VWA8: variants seen among roughly 807,000 people sequenced by gnomAD.
The protein encoded by VWA8 is von Willebrand factor A domain-containing protein 8.
Under a neutral mutation model 241.5 loss-of-function variants are expected in VWA8, and 221 were observed. The ratio of observed to expected loss-of-function variants is 0.91; its 90% CI spans 0.82 to 1.02. VWA8 has a LOEUF of 1.02. VWA8 is among the 50% of genes least tolerant of loss of function. The pLI is 0.00. For synonymous variants in VWA8, 852 were observed against 827.1 expected (o/e 1.03, Z -0.52); for missense variants, 2,322 against 2,328.7 (o/e 1.00, Z 0.06).
chr13:41,932,566 A>G (rs1877172796), intron 2 of VWA8, among the ~76,000 whole-genome samples: 1 of 152,052 alleles, frequency 6.6e-6, no homozygotes, highest in Non-Finnish European at 1.5e-5. Context: ...AAATGTTCAC[A>G]CACTGAGTCC....
chr13:41,789,641 G>C (rs1331302862), intron 17 of VWA8, among the ~76,000 whole-genome samples: 4 of 152,046 alleles, frequency 2.6e-5, no homozygotes, highest in Non-Finnish European at 2.9e-5. Context: ...TTAGATTAAG[G>C]AATAAGATAG....
chr13:41,659,985 T>G (rs1472981209), intron 37 of VWA8, among the ~76,000 whole-genome samples: 1 of 152,254 alleles, frequency 6.6e-6, no homozygotes, highest in Non-Finnish European at 1.5e-5. Flanking sequence ...ATGTCTGTTT[T>G]CATGTTCTTT....
At chr13:41,766,496 T>C (rs1176492045) in intron 20 of VWA8, among the ~76,000 whole-genome samples, 2 of 152,170 alleles carry the variant, frequency 1.3e-5, no homozygotes, top group African/African-American at 4.8e-5. Context: ...GCAAGCATGC[T>C]CATCAGCCCT....
Position 41,935,804 on chromosome 13 carries a change from A to C in VWA8, c.241+14132T>G, listed in dbSNP as rs116263997. On this transcript the variant is annotated intron_variant, in intron 2 of 44. Transcript: ENST00000379310. ...CAATAGTGGTATCATATCTTATATG[A>C]CACTCTGAAATCTGTACTATTTTGC... Among the ~76,000 whole-genome samples the C allele has an allele frequency of 1.7e-3, 256 of 151,824 alleles. 2 individuals carry two copies. Among genetic ancestry groups the C allele is most frequent in the African/African-American group, 5.7e-3 (236 of 41,438 alleles).
intron 21 of VWA8, among the ~76,000 whole-genome samples, chr13:41,750,432 AAAC>A (rs148479463): frequency 0.69 from 98,958 of 144,268 alleles, 35,846 homozygotes; most frequent in South Asian, 0.82. Context: ...ACTCCATCTA[AAAC>A]AACAACAACA....
chr13:41,826,594 G>C (rs1480603669), intron 14 of VWA8, among the ~76,000 whole-genome samples: 1 of 152,130 alleles, frequency 6.6e-6, no homozygotes, highest in Non-Finnish European at 1.5e-5. Context: ...GAAGGGCCAG[G>C]AGTGGTGGCT....
intron 37 of VWA8, among the ~76,000 whole-genome samples, chr13:41,627,833 T>C (rs1388011099): frequency 6.6e-6 from 1 of 152,112 alleles, no homozygotes; most frequent in Non-Finnish European, 1.5e-5. Context: ...CAGGTCAGCA[T>C]GAAGCAGTTA....
At chr13:41,831,741 T>G (rs1370923326) in intron 13 of VWA8, among the ~76,000 whole-genome samples, 2 of 148,728 alleles carry the variant, frequency 1.3e-5, no homozygotes, top group African/African-American at 5.0e-5. Context: ...TGCCTTAGCC[T>G]CCTGAGTAGC....
At chr13:41,806,007 A>AT (rs1566464619) in intron 17 of VWA8, among the ~76,000 whole-genome samples, 3 of 151,372 alleles carry the variant, frequency 2.0e-5, no homozygotes, top group South Asian at 2.1e-4. Context: ...AAAATAAAAA[A>AT]AAAAAAAAAA....
At chr13:41,697,603 C>T (rs529118576) in intron 29 of VWA8, among the ~76,000 whole-genome samples, 25 of 152,300 alleles carry the variant, frequency 1.6e-4, no homozygotes, top group South Asian at 6.2e-4. Context: ...TTACAAGGAG[C>T]GCACAACCTA....
In VWA8 at chr13:41,866,019, C is replaced by G; in HGVS notation, c.1230G>C (p.Arg410Ser). 6.2e-7 allele frequency: 1 copy of G among 1,614,082 alleles called. No individual in the cohort carries two copies. The highest frequency in any genetic ancestry group is 1.1e-5 in the South Asian group (1 of 91,078). Residue 410 changes from arginine to serine, a missense_variant, in exon 11 of 45, where the codon AGG becomes AGC. By Grantham distance (110) the Arg-to-Ser change is moderately radical. Transcript: ENST00000379310. ...CTGACGCACAAGGTTGACTTAATAGCCTGGTCCCGGCTGGCACCTATAATT... is the reference window on the plus strand; with the variant it reads ...CTGACGCACAAGGTTGACTTAATAGGCTGGTCCCGGCTGGCACCTATAATT... ...EVTIKVPAGT[R>S]LLSQPCASDR... is the part of the protein sequence containing the mutation.
rs1477868991 is a variant in VWA8 at position 41,868,464 on chromosome 13, T to TG, written c.1093dup (p.Gln365ProfsTer10). On this transcript the variant is annotated frameshift_variant, in exon 10 of 45. Transcript: ENST00000379310. LOFTEE classifies it high-confidence loss of function. ...AGGAAGTAGAGAGCTTCCTGAATCT[T>TG]GAAGTTCAAAGCGCTGTAAAATTAC... 6.2e-7 allele frequency: 1 copy of TG among 1,613,136 alleles called. No homozygotes were observed.
chr13:41,655,489 C>G (rs1048884344), intron 37 of VWA8, among the ~76,000 whole-genome samples: 2 of 148,208 alleles, frequency 1.3e-5, no homozygotes, highest in Non-Finnish European at 3.0e-5. Context: ...TACAGAGAGA[C>G]AGAGAGAGAG....
At chr13:41,947,196 G>A (rs1877888469) in intron 2 of VWA8, among the ~76,000 whole-genome samples, 2 of 152,156 alleles carry the variant, frequency 1.3e-5, no homozygotes, top group Non-Finnish European at 2.9e-5. Context: ...CCTGAATAAA[G>A]TCTTCCTTAC....
chr13:41,865,621 G>A, intron 12 of VWA8, 115 bp downstream of exon 12: 1 of 1,117,778 alleles, frequency 8.9e-7, no homozygotes, highest in South Asian at 1.6e-5. Flanking sequence ...TACTATTTTG[G>A]TTCTTTACCT....
At position 41,811,313 on chromosome 13, in the gene VWA8, T is replaced by C. The variant is rs775745922; in HGVS notation, c.1975A>G (p.Thr659Ala). 1.2e-6 allele frequency: 2 copies of C among 1,610,380 alleles called. No individual in the cohort carries two copies. Among genetic ancestry groups the C allele is most frequent in the South Asian group, 1.1e-5 (1 of 90,712 alleles). The part of the protein sequence containing the change: ...TAQSLAASLS[T>A]RQLLRISRRL... The stretch of plus-strand genomic sequence containing the variant: ...CGAGAAATTCGCAACAGTTGTCTGG[T>C]AGAAAGTGATGCCGCTAATGATTGT... Residue 659 changes from threonine (T) to alanine (A), a missense_variant, in exon 17 of 45, where the codon ACC becomes GCC. Thr to Ala is a moderately conservative substitution (Grantham distance 58). Transcript: ENST00000379310.
chr13:41,745,187 T>C (rs9590640), intron 21 of VWA8, among the ~76,000 whole-genome samples: 70,627 of 151,738 alleles, frequency 0.47, 17,306 homozygotes, highest in Non-Finnish European at 0.55. Context: ...ATGTGCACAA[T>C]GTGCAGGTTT....
At chr13:41,903,101 G>A (rs1300284528) in intron 4 of VWA8, among the ~76,000 whole-genome samples, 1 of 152,098 alleles carries the variant, frequency 6.6e-6, no homozygotes, top group Non-Finnish European at 1.5e-5. Context: ...AAATGCAAAG[G>A]CCTTTCGGTG....
chr13:41,707,159 C>A (rs1325287440), intron 26 of VWA8, among the ~76,000 whole-genome samples: 1 of 152,074 alleles, frequency 6.6e-6, no homozygotes, highest in East Asian at 1.9e-4. Context: ...TTTTAAAAAA[C>A]ACACATACAA....
Sources: allele counts gnomAD v4.1 joint callset (sites outside exome capture counted in the v4.1 genomes callset), GRCh38; gene constraint gnomAD v4.1.1; transcripts MANE v1.5; gene names NCBI Gene and HGNC (gene_info 2026-07-23, HGNC 2026-07-21).